The following PC variants were observed in gnomAD, a reference collection of about 807,000 sequenced individuals.
PC encodes the protein pyruvate carboxylase, mitochondrial.
A neutral mutation model predicts 107.8 loss-of-function variants in PC; 46 were observed. The ratio of observed to expected loss-of-function variants is 0.43; its 90% CI spans 0.34 to 0.55. PC has a LOEUF of 0.55. PC is among the 20% of genes least tolerant of loss of function. PC has a pLI of 0.04. For synonymous variants in PC, 662 were observed against 684.7 expected (o/e 0.97, Z 0.52); for missense variants, 1,241 against 1,643.1 (o/e 0.76, Z 4.23).
chr11:66,894,418 T>A (rs1947676215), intron 3 of PC, among the ~76,000 whole-genome samples: 2 of 152,226 alleles, frequency 1.3e-5, no homozygotes, highest in Non-Finnish European at 2.9e-5. Flanking sequence ...GTCTCAGGTA[T>A]GCATCTAATT....
chr11:66,857,693 C>T lies in PC; in HGVS notation c.1369-4310G>A, dbSNP rs193236165. ...TGTCCTGGGCCCAAGTGGGCACCTG[C>T]GCCAGCCCCACCTGTGCCTGGGCTG... On this transcript the variant is annotated intron_variant, in intron 12 of 22. Transcript: ENST00000393960. This position sits in a 1 kb window ranked among gnomAD's most constrained non-coding sequence, Gnocchi z 7.1. The T allele has an allele frequency of 1.8e-3, 2,689 of 1,533,884 alleles. 52 individuals are homozygous for T. In the African/African-American group the frequency reaches 0.031, roughly 18 times the overall value.
intron 10 of PC, among the ~76,000 whole-genome samples, chr11:66,867,988 A>G (rs1306908612): frequency 1.3e-5 from 2 of 152,214 alleles, no homozygotes; most frequent in South Asian, 4.1e-4. Flanking sequence ...AAGAAATTAC[A>G]TGGCTCATAG....
At chr11:66,893,788 C>T (rs1220850453) in intron 3 of PC, among the ~76,000 whole-genome samples, 1 of 149,168 alleles carries the variant, frequency 6.7e-6, no homozygotes, top group Non-Finnish European at 1.5e-5. Flanking sequence ...AGCCCCCGCC[C>T]CCTACCCCCT....
At chr11:66,869,130 C>A (rs552671911) in intron 9 of PC, among the ~76,000 whole-genome samples, 166 bp from the exon 10 acceptor site, 7 of 152,198 alleles carry the variant, frequency 4.6e-5, no homozygotes, top group Non-Finnish European at 8.8e-5. Flanking sequence ...GGGCCCAGGT[C>A]ATGCTCCTGC....
chr11:66,908,602 C>A (rs1948237690), intron 3 of PC, among the ~76,000 whole-genome samples: 1 of 152,180 alleles, frequency 6.6e-6, no homozygotes, highest in African/African-American at 2.4e-5. Context: ...CTCTGACCAG[C>A]TCCTTGGAGG....
intron 3 of PC, among the ~76,000 whole-genome samples, chr11:66,932,116 C>T (rs749326633): frequency 1.8e-4 from 28 of 152,084 alleles, no homozygotes; most frequent in Non-Finnish European, 2.4e-4. Context: ...ATAATTTAAC[C>T]GGAAGTGGCC....
chr11:66,913,856 C>T (rs1282453248), intron 3 of PC, among the ~76,000 whole-genome samples: 1 of 152,050 alleles, frequency 6.6e-6, no homozygotes, highest in African/African-American at 2.4e-5. Flanking sequence ...GCCCCAGGCA[C>T]TGGAGGAGGA....
chr11:66,906,194 C>T (rs556435220), intron 3 of PC, among the ~76,000 whole-genome samples: 7 of 152,222 alleles, frequency 4.6e-5, no homozygotes, highest in African/African-American at 9.6e-5. Flanking sequence ...TATGCAGCCC[C>T]GCCTAAAAAG....
chr11:66,909,654 C>T (rs1008935927), intron 3 of PC, among the ~76,000 whole-genome samples: 12 of 152,122 alleles, frequency 7.9e-5, no homozygotes, highest in Non-Finnish European at 1.0e-4. Context: ...CAGGAGCTCA[C>T]GTCAGGGAAG....
intron 3 of PC, among the ~76,000 whole-genome samples, chr11:66,938,127 A>G (rs1163497613): frequency 6.6e-6 from 1 of 152,180 alleles, no homozygotes; most frequent in Non-Finnish European, 1.5e-5. Flanking sequence ...ATGAAGTCCA[A>G]CATCTAGGCT....
At position 66,848,982 on chromosome 11, in the gene PC, G is replaced by A. The variant is rs1457927837; in HGVS notation, c.3454C>T (p.Pro1152Ser). ...ACCTTGCGGACAGTACCCTCCATGGGTGAGGTCACCACAGTCTCCATCTTC... is the reference window on the plus strand; with the variant it reads ...ACCTTGCGGACAGTACCCTCCATGGATGAGGTCACCACAGTCTCCATCTTC... ...AMKMETVVTSPMEGTVRKVHV... is the reference protein window; with the variant it reads ...AMKMETVVTSSMEGTVRKVHV... Residue 1152 changes from proline to serine, a missense_variant, in exon 23 of 23, where the codon CCC becomes TCC. By Grantham distance (74) the Pro-to-Ser change is moderately conservative (BLOSUM62 -1). Around this residue, in one of 2 missense-constraint regions of PC, gnomAD observed 98 missense variants for 91.2 expected, o/e 1.07. Transcript: ENST00000393960. 1.2e-6 allele frequency: 2 copies of A among 1,614,096 alleles called. No individual in the cohort carries two copies. The highest frequency in any genetic ancestry group is 1.7e-5 in the Admixed American group (1 of 60,032).
chr11:66,860,466 G>C, intron 12 of PC: 1 of 703,552 alleles, frequency 1.4e-6, no homozygotes, highest in Non-Finnish European at 2.6e-6. Flanking sequence ...AAATTGTTGG[G>C]GACACCTCAG....
intron 3 of PC, among the ~76,000 whole-genome samples, chr11:66,894,611 T>C (rs1217978786): frequency 1.3e-5 from 2 of 151,430 alleles, no homozygotes; most frequent in African/African-American, 4.8e-5. Context: ...AACACCCGGG[T>C]TCCCACCATC....
chr11:66,875,434 G>A (rs2043033403), intron 3 of PC, among the ~76,000 whole-genome samples: 1 of 152,112 alleles, frequency 6.6e-6, no homozygotes, highest in African/African-American at 2.4e-5. Context: ...GGAAGAGCAG[G>A]GACAAGAACC....
At position 66,858,102 on chromosome 11, in the gene PC, G is replaced by A. The variant is rs765815973; in HGVS notation, c.1369-4719C>T. The A allele has an allele frequency of 1.6e-5, 25 of 1,609,628 alleles. No individual in the cohort carries two copies. The highest frequency in any genetic ancestry group is 1.6e-4 in the Middle Eastern group (1 of 6,078). ...GGGCACCGGGAGCCTCCGGGGCCCC[G>A]TCAATCTGCAGCACCTCATCCTCAG... On this transcript the variant is annotated intron_variant, in intron 12 of 22. Coordinates refer to ENST00000393960, the MANE Select transcript of PC (RefSeq NM_001040716.2). The surrounding 1 kb of genome is among the most constrained non-coding windows in gnomAD (Gnocchi z 5.9).
In PC at chr11:66,853,249, C is replaced by T. The variant is rs200108233; in HGVS notation, c.1503G>A (p.Leu501=). ...AGTCTCGGGCCAGACCGAGGTAGTG[C>T]AACAGCTTTTGGGCCCGGTTCTGTG... ...RPAQNRAQKL[L]HYLGHVMVNG... is the part of the protein sequence containing the mutation. The change falls in exon 13 of 23, where the codon TTG becomes TTA. Residue 501 remains leucine (L), a synonymous_variant. Coordinates refer to ENST00000393960, the MANE Select transcript of PC (RefSeq NM_001040716.2). 2.4e-5 allele frequency: 38 copies of T among 1,613,924 alleles called. No homozygotes were observed. The East Asian group carries it at 8.2e-4, about 35-fold the overall frequency.
At position 66,849,626 on chromosome 11, in the gene PC, G is replaced by A. The variant is rs771370242; in HGVS notation, c.3132C>T (p.Ile1044=). 10 of 1,614,046 alleles carry A rather than the reference G, an allele frequency of 6.2e-6. No homozygotes were observed. The East Asian group carries it at 1.3e-4, about 22-fold the overall frequency. ...NTRLFLQGPK[I]AEEFEVELER... ...AGCCACTGACCTCAAACTCCTCTGC[G>A]ATCTTGGGTCCCTGCAGGAAGAGGC... The change falls in exon 21 of 23, where the codon ATC becomes ATT. Residue 1044 remains isoleucine, a synonymous_variant. Coordinates refer to ENST00000393960, the MANE Select transcript of PC (RefSeq NM_001040716.2).
At chr11:66,868,609 G>A (rs1367240015) in intron 10 of PC, among the ~76,000 whole-genome samples, 1 of 152,212 alleles carries the variant, frequency 6.6e-6, no homozygotes, top group African/African-American at 2.4e-5. Context: ...GCAGCGTCCT[G>A]ACAGAGAGGA....
Position 66,852,805 on chromosome 11 carries a change from C to T in PC, c.1545G>A (p.Pro515=), listed in dbSNP as rs761154786. 1.3e-5 allele frequency: 21 copies of T among 1,583,598 alleles called. No homozygotes were observed. Among genetic ancestry groups the T allele is most frequent in the East Asian group, 1.1e-4 (5 of 44,278 alleles). Residue 515 remains proline, a synonymous_variant, in exon 14 of 23, where the codon CCG becomes CCA. Coordinates refer to ENST00000393960, the MANE Select transcript of PC (RefSeq NM_001040716.2). The surrounding 1 kb of genome is among the most constrained non-coding windows in gnomAD (Gnocchi z 4.7). ...GHVMVNGPTT[P]IPVKASPSPT... is the part of the protein sequence containing the mutation. ...GGCTGGGGCTGGCCTTGACGGGAAT[C>T]GGGGTGGTTGGACCGTTTACCATGA...
Sources: allele counts gnomAD v4.1 joint callset (sites outside exome capture counted in the v4.1 genomes callset), GRCh38; gene constraint gnomAD v4.1.1; regional missense constraint gnomAD v4.1.1; non-coding constraint Gnocchi (gnomAD v3.1); transcripts MANE v1.5; gene names NCBI Gene and HGNC (gene_info 2026-07-23, HGNC 2026-07-21).